The following COG5 variants were observed in gnomAD, a reference collection of about 807,000 sequenced individuals.
The protein encoded by COG5 is conserved oligomeric Golgi complex subunit 5.
A neutral mutation model predicts 110.4 loss-of-function variants in COG5; 86 were observed. The ratio of observed to expected loss-of-function variants is 0.78; its 90% CI spans 0.65 to 0.93. The LOEUF is 0.93. Ranked by LOEUF, COG5 falls within the 40% of genes least tolerant of loss-of-function variation. The probability of loss-of-function intolerance (pLI) is 0.00; values close to 1 mark genes in which losing one functional copy is unlikely to be tolerated. For missense variants in COG5, 1,077 were observed against 987.0 expected, an observed-to-expected ratio of 1.09 and a Z score of -1.22; for synonymous variants, 360 against 334.6, an observed-to-expected ratio of 1.08 and a Z score of -0.83.
At chr7:107,495,014 G>A (rs913421241) in intron 6 of COG5, among the ~76,000 whole-genome samples, 1 of 152,088 alleles carries the variant, frequency 6.6e-6, no homozygotes, top group Non-Finnish European at 1.5e-5. Context: ...AGATCCAATG[G>A]GGATTTGGAG....
chr7:107,513,933 G>A (rs909590805), intron 6 of COG5, among the ~76,000 whole-genome samples: 5 of 151,866 alleles, frequency 3.3e-5, no homozygotes, highest in Admixed American at 1.3e-4. Context: ...AGCATTAGGA[G>A]ATATACCTAA....
At chr7:107,267,587 A>G (rs987714071) in intron 14 of COG5, among the ~76,000 whole-genome samples, 2 of 152,228 alleles carry the variant, frequency 1.3e-5, no homozygotes, top group African/African-American at 4.8e-5. Flanking sequence ...TCTACATGAA[A>G]TGTACAGAAT....
chr7:107,546,492 A>G (rs1487626226), intron 5 of COG5, among the ~76,000 whole-genome samples: 1 of 144,710 alleles, frequency 6.9e-6, no homozygotes, highest in Non-Finnish European at 1.5e-5. Context: ...CTCCAGTACA[A>G]TGGTGCAATC....
At chr7:107,350,189 T>C (rs1171381476) in intron 10 of COG5, among the ~76,000 whole-genome samples, 1 of 152,228 alleles carries the variant, frequency 6.6e-6, no homozygotes. Flanking sequence ...TAGGCTTATA[T>C]TAAAACCTCA....
intron 6 of COG5, among the ~76,000 whole-genome samples, chr7:107,451,704 C>T (rs1408065680): frequency 2.0e-5 from 3 of 152,144 alleles, no homozygotes; most frequent in East Asian, 3.9e-4. Context: ...GATCCACTTC[C>T]AATTAATGAA....
At chr7:107,272,733 TAGAGAA>T (rs754636439) in intron 14 of COG5, among the ~76,000 whole-genome samples, 11 of 152,126 alleles carry the variant, frequency 7.2e-5, no homozygotes, top group East Asian at 1.9e-4. Flanking sequence ...ATCTAAGAGA[TAGAGAA>T]AGAGAAAGAG....
At chr7:107,308,536 T>C (rs764094320) in intron 11 of COG5, among the ~76,000 whole-genome samples, 16 of 152,160 alleles carry the variant, frequency 1.1e-4, no homozygotes, top group Admixed American at 9.2e-4. Context: ...GCTAATTCAT[T>C]GAAGACTGCA....
chr7:107,300,200 C>T (rs1807146100), intron 11 of COG5, among the ~76,000 whole-genome samples: 1 of 151,998 alleles, frequency 6.6e-6, no homozygotes, highest in Admixed American at 6.6e-5. Flanking sequence ...TAATAAAAGG[C>T]ATCTATGAAA....
At position 107,412,493 on chromosome 7, in the gene COG5, T is replaced by C. The variant is rs774414370; in HGVS notation, c.669+9A>G. On this transcript the variant is annotated intron_variant, in intron 7 of 21. Coordinates refer to ENST00000297135, the MANE Select transcript of COG5 (RefSeq NM_006348.5). ...TTTTTACATTAAAAAACAGTCTTAT[T>C]TTTATTACCTGAGTCTCCAAACCCT... 1.2e-6 allele frequency: 2 copies of C among 1,612,116 alleles called. No individual in the cohort carries two copies. Among genetic ancestry groups the C allele is most frequent in the Non-Finnish European group, 1.7e-6 (2 of 1,179,466 alleles).
chr7:107,304,870 T>C (rs1477860790), intron 11 of COG5, among the ~76,000 whole-genome samples: 1 of 152,218 alleles, frequency 6.6e-6, no homozygotes, highest in Non-Finnish European at 1.5e-5. Context: ...ATTCAACAAA[T>C]ATCTGCTGAC....
intron 6 of COG5, among the ~76,000 whole-genome samples, chr7:107,492,825 T>C (rs1287409113): frequency 6.6e-6 from 1 of 152,134 alleles, no homozygotes; most frequent in African/African-American, 2.4e-5. Flanking sequence ...AGTTAACATA[T>C]TCATAGGTTC....
At chr7:107,454,392 G>C (rs983694536) in intron 6 of COG5, among the ~76,000 whole-genome samples, 4 of 152,084 alleles carry the variant, frequency 2.6e-5, no homozygotes, top group Non-Finnish European at 4.4e-5. Context: ...GGGGAACGGG[G>C]GAGGAATAAC....
chr7:107,297,638 G>A (rs993477486), intron 12 of COG5, among the ~76,000 whole-genome samples: 2 of 151,736 alleles, frequency 1.3e-5, no homozygotes, highest in Admixed American at 6.6e-5. Flanking sequence ...TAGTAGAGAC[G>A]GGGTTTTACC....
At chr7:107,397,478 C>A (rs139348044) in intron 7 of COG5, among the ~76,000 whole-genome samples, 2 of 151,918 alleles carry the variant, frequency 1.3e-5, no homozygotes, top group Non-Finnish European at 2.9e-5. Flanking sequence ...CAGCCTCATC[C>A]AGCACCATCA....
intron 6 of COG5, among the ~76,000 whole-genome samples, chr7:107,419,875 T>A (rs1793155572): frequency 2.0e-5 from 3 of 152,178 alleles, no homozygotes; most frequent in South Asian, 2.1e-4. Flanking sequence ...GCCAAGAGTT[T>A]ATAGTTTTAA....
intron 10 of COG5, among the ~76,000 whole-genome samples, chr7:107,337,807 T>C (rs190819089): frequency 7.9e-5 from 12 of 152,286 alleles, no homozygotes; most frequent in African/African-American, 2.2e-4. Context: ...GGACTTGAGA[T>C]GTTCCCACAT....
chr7:107,208,269 T>C, intron 21 of COG5: 1 of 985,368 alleles, frequency 1.0e-6, no homozygotes. Flanking sequence ...TAAAAAAGCA[T>C]GACAGTATTT....
chr7:107,465,455 C>T (rs1160178553), intron 6 of COG5, among the ~76,000 whole-genome samples: 1 of 151,860 alleles, frequency 6.6e-6, no homozygotes, highest in African/African-American at 2.4e-5. Context: ...TGTAAAATGC[C>T]CTAAAAATAG....
chr7:107,550,774 C>T (rs1288898078), intron 3 of COG5, among the ~76,000 whole-genome samples: 1 of 152,194 alleles, frequency 6.6e-6, no homozygotes, highest in Non-Finnish European at 1.5e-5. Flanking sequence ...GGCATGATCT[C>T]GGCTCACCGC....
Sources: allele counts gnomAD v4.1 joint callset (sites outside exome capture counted in the v4.1 genomes callset), GRCh38; gene constraint gnomAD v4.1.1; transcripts MANE v1.5; gene names NCBI Gene and HGNC (gene_info 2026-07-23, HGNC 2026-07-21).